RAB23: variants seen among roughly 807,000 people sequenced by gnomAD.
RAB23 encodes RAB23, member RAS oncogene family.
A neutral mutation model predicts 30.0 loss-of-function variants in RAB23; 15 were observed. The observed-to-expected ratio is 0.50, with a 90% CI of 0.33 to 0.77. The LOEUF (loss-of-function observed/expected upper bound fraction) is 0.77, where lower values mean the gene tolerates loss of function less well. Among genes scored for constraint, RAB23 ranks in the 30% least tolerant of loss-of-function variants. The probability of loss-of-function intolerance (pLI) is 0.02; values close to 1 mark genes in which losing one functional copy is unlikely to be tolerated. For missense variants in RAB23, 243 were observed against 275.4 expected, an observed-to-expected ratio of 0.88 and a Z score of 0.83; for synonymous variants, 93 against 94.0, an observed-to-expected ratio of 0.99 and a Z score of 0.06.
chr6:57,205,560 T>C (rs547357266), intron 3 of RAB23, among the ~76,000 whole-genome samples: 1 of 152,216 alleles, frequency 6.6e-6, no homozygotes, highest in East Asian at 1.9e-4. Context: ...GCAATAAACA[T>C]ACTGAATTAG....
At position 57,210,215 on chromosome 6, in the gene RAB23, C is replaced by G; in HGVS notation, c.155+11G>C. 1 of 1,612,448 alleles carries G rather than the reference C, an allele frequency of 6.2e-7. No homozygotes were observed. Among genetic ancestry groups the G allele is most frequent in the Non-Finnish European group, 8.5e-7 (1 of 1,178,614 alleles). ...ATCAAAGCCAAAGGAATAAAATGGC[C>G]AAGTACTTACTGAATTTGTCGCTCC... On this transcript the variant is annotated intron_variant, in intron 2 of 6. Coordinates refer to ENST00000468148, the MANE Select transcript of RAB23 (RefSeq NM_016277.5).
At chr6:57,210,101 C>T (rs1650088538) in intron 2 of RAB23, 125 bp downstream of exon 2, 3 of 960,454 alleles carry the variant, frequency 3.1e-6, no homozygotes, top group Non-Finnish European at 4.9e-6. Context: ...CCATCACTGT[C>T]GCATGAGCAT....
intron 6 of RAB23, among the ~76,000 whole-genome samples, 183 bp from the exon 7 acceptor site, chr6:57,190,783 C>T (rs1764811212): frequency 6.6e-6 from 1 of 152,126 alleles, no homozygotes; most frequent in South Asian, 2.1e-4. Context: ...GTATTAAATA[C>T]ATTTGTAATG....
chr6:57,191,575 G>A (rs1466080542), intron 6 of RAB23, among the ~76,000 whole-genome samples: 1 of 151,494 alleles, frequency 6.6e-6, no homozygotes, highest in African/African-American at 2.4e-5. Flanking sequence ...TCAGCCTCCC[G>A]AGTAGCTGGG....
intron 6 of RAB23, among the ~76,000 whole-genome samples, chr6:57,192,325 C>T (rs1240005271): frequency 6.6e-6 from 1 of 152,170 alleles, no homozygotes; most frequent in African/African-American, 2.4e-5. Flanking sequence ...GCATCCATGA[C>T]ACACAAAATT....
At position 57,187,188 on chromosome 6, in the gene RAB23, T is replaced by G. The variant is rs1764634253; in HGVS notation, c.*3273A>C. 1 of 152,154 alleles carries G rather than the reference T, an allele frequency of 6.6e-6. No individual in the cohort carries two copies. The highest frequency in any genetic ancestry group is 1.5e-5 in the Non-Finnish European group (1 of 68,022). The allele number at this position is 152,154 out of a possible 1,614,324, so 9.4% of individuals were successfully genotyped here. ...TAGAAGGAATTCAGTTTTCCTTTTA[T>G]CCCCAATTTTTTGCTTTTAAAAGAC... On this transcript the variant is annotated 3_prime_UTR_variant, in exon 7 of 7. Transcript: ENST00000468148.
intron 1 of RAB23, among the ~76,000 whole-genome samples, chr6:57,219,747 C>T (rs1486894423): frequency 6.6e-6 from 1 of 152,188 alleles, no homozygotes; most frequent in Non-Finnish European, 1.5e-5. Flanking sequence ...GACGGAACAA[C>T]TGGACATCCA....
rs1766093087 is a variant in RAB23 at position 57,222,230 on chromosome 6, G to C, written c.-570C>G. ...GCCAGGGCTCAGATTGAGTGGCTCA[G>C]CAGCAGCTCCGCCGGGGGTGGTGGG... On this transcript the variant is annotated 5_prime_UTR_variant, in exon 1 of 7. Transcript: ENST00000468148. The C allele has an allele frequency of 1.3e-5, 2 of 152,484 alleles. No homozygotes were observed. The highest frequency in any genetic ancestry group is 1.3e-4 in the Admixed American group (2 of 15,292). 9.4% of individuals were successfully genotyped at this position (152,484 alleles called of 1,614,324 possible). A position where few individuals can be genotyped will look rare whatever the true frequency, so the allele number is the denominator to read the frequency against.
rs2128011129 is a variant in RAB23, at chr6:57,222,270, A to ACTCCC, written c.-615_-611dup. The ACTCCC allele has an allele frequency of 6.6e-6, 1 of 151,798 alleles. No individual in the cohort carries two copies. Among genetic ancestry groups the ACTCCC allele is most frequent in the Non-Finnish European group, 1.5e-5 (1 of 68,050 alleles). 9.4% of individuals were successfully genotyped at this position (151,798 alleles called of 1,614,324 possible). A position where few individuals can be genotyped will look rare whatever the true frequency, so the allele number is the denominator to read the frequency against. On this transcript the variant is annotated 5_prime_UTR_variant, in exon 1 of 7. It removes the in-frame stop codon of an upstream open reading frame in the 5' UTR. Transcript: ENST00000468148. ...GGGGTGGTGGGGCGCGGGAGTCTCG[A>ACTCCC]CTCCCCTCATCTGTGGACCCGCCGC...
chr6:57,197,294 T>C (rs1490978947), intron 3 of RAB23, among the ~76,000 whole-genome samples: 1 of 152,060 alleles, frequency 6.6e-6, no homozygotes, highest in Non-Finnish European at 1.5e-5. Flanking sequence ...TACCCACCCA[T>C]ATTGTATCCA....
intron 3 of RAB23, among the ~76,000 whole-genome samples, chr6:57,197,189 A>C (rs1163677897): frequency 6.6e-6 from 1 of 152,152 alleles, no homozygotes; most frequent in Non-Finnish European, 1.5e-5. Context: ...AGTGATCCTA[A>C]GGAACATAAT....
chr6:57,216,491 C>T (rs1007882442), intron 1 of RAB23, among the ~76,000 whole-genome samples: 1 of 152,164 alleles, frequency 6.6e-6, no homozygotes, highest in African/African-American at 2.4e-5. Flanking sequence ...ATATTCTGGG[C>T]CATAAAACAA....
chr6:57,198,672 CTCTG>C (rs1409605647), intron 3 of RAB23, among the ~76,000 whole-genome samples: 1 of 150,262 alleles, frequency 6.7e-6, no homozygotes, highest in Non-Finnish European at 1.5e-5. Flanking sequence ...AAGGGTGAGA[CTCTG>C]TCTAAAAAAA....
chr6:57,213,822 A>G (rs1765741228), intron 1 of RAB23, among the ~76,000 whole-genome samples: 1 of 152,124 alleles, frequency 6.6e-6, no homozygotes, highest in Non-Finnish European at 1.5e-5. Flanking sequence ...CAACAAAAAA[A>G]CATAAAAGCC....
intron 6 of RAB23, among the ~76,000 whole-genome samples, chr6:57,192,466 AAG>A (rs1764874662): frequency 6.6e-6 from 1 of 152,222 alleles, no homozygotes. Flanking sequence ...AGTGTCATAA[AAG>A]AGACACAAAA....
rs916899323 is a variant in RAB23 at position 57,222,218 on chromosome 6, T to C, written c.-558A>G. The C allele has an allele frequency of 2.0e-5, 3 of 152,432 alleles. No individual in the cohort carries two copies. Among genetic ancestry groups the C allele is most frequent in the South Asian group, 2.1e-4 (1 of 4,832 alleles). 9.4% of individuals were successfully genotyped at this position (152,432 alleles called of 1,614,324 possible). A position where few individuals can be genotyped will look rare whatever the true frequency, so the allele number is the denominator to read the frequency against. On this transcript the variant is annotated 5_prime_UTR_variant, in exon 1 of 7. Transcript: ENST00000468148. The stretch of plus-strand genomic sequence containing the variant: ...ACTTTATTAGTAGCCAGGGCTCAGA[T>C]TGAGTGGCTCAGCAGCAGCTCCGCC...
intron 1 of RAB23, among the ~76,000 whole-genome samples, chr6:57,214,034 C>A (rs1052511150): frequency 6.6e-6 from 1 of 152,086 alleles, no homozygotes; most frequent in African/African-American, 2.4e-5. Flanking sequence ...CCTGCCCAAC[C>A]ACCACCAAGG....
chr6:57,190,356 A>G lies in RAB23; in HGVS notation c.*105T>C. The G allele has an allele frequency of 7.4e-7, 1 of 1,358,870 alleles. No homozygotes were observed. Among genetic ancestry groups the G allele is most frequent in the Non-Finnish European group, 1.0e-6 (1 of 954,670 alleles). The allele number at this position is 1,358,870 out of a possible 1,614,324, so 84.2% of individuals were successfully genotyped here. A position where few individuals can be genotyped will look rare whatever the true frequency, so the allele number is the denominator to read the frequency against. On this transcript the variant is annotated 3_prime_UTR_variant, in exon 7 of 7. Transcript: ENST00000468148. ...TTAAGTCTGTCACTTTCAGAGAGCC[A>G]TTAGGAGCAAAGTCTGCTGAAAACC...
At chr6:57,194,578 GA>G (rs1261746885) in intron 5 of RAB23, among the ~76,000 whole-genome samples, 191 bp downstream of exon 5, 1 of 152,040 alleles carries the variant, frequency 6.6e-6, no homozygotes, top group Non-Finnish European at 1.5e-5. Context: ...TTACGAGGAT[GA>G]AAAGTATTCA....
Sources: allele counts gnomAD v4.1 joint callset (sites outside exome capture counted in the v4.1 genomes callset), GRCh38; gene constraint gnomAD v4.1.1; transcripts MANE v1.5; gene names NCBI Gene and HGNC (gene_info 2026-07-23, HGNC 2026-07-21).